ARID4B: variants seen among roughly 807,000 people sequenced by gnomAD.
The protein encoded by ARID4B is AT-rich interaction domain 4B, also known as AT-rich interactive domain-containing protein 4B.
A neutral mutation model predicts 147.5 loss-of-function variants in ARID4B; 26 were observed. The ratio of observed to expected loss-of-function variants is 0.18; its 90% CI spans 0.13 to 0.24. The LOEUF is 0.24. Among genes scored for constraint, ARID4B ranks in the 10% least tolerant of loss-of-function variants. The pLI is 1.00. For missense variants in ARID4B, 1,179 were observed against 1,511.5 expected (o/e 0.78, Z 3.65); for synonymous variants, 512 against 507.9 (o/e 1.01, Z -0.11).
At chr1:235,249,968 G>A (rs951794074) in intron 6 of ARID4B, among the ~76,000 whole-genome samples, 36 of 150,244 alleles carry the variant, frequency 2.4e-4, no homozygotes, top group Admixed American at 1.7e-3. Context: ...TTAGCCAGGC[G>A]TGGGGGCAGG....
intron 2 of ARID4B, among the ~76,000 whole-genome samples, chr1:235,306,452 G>A (rs953929550): frequency 6.7e-6 from 1 of 149,644 alleles, no homozygotes; most frequent in Admixed American, 6.7e-5. Context: ...GCAGTGAGCC[G>A]AGATCATACC....
chr1:235,238,010 C>T (rs1202889977), intron 8 of ARID4B, among the ~76,000 whole-genome samples: 1 of 151,716 alleles, frequency 6.6e-6, no homozygotes, highest in East Asian at 1.9e-4. Context: ...ATTAGCCGGG[C>T]ATGGTGGCTT....
chr1:235,301,889 G>A (rs11579128), intron 2 of ARID4B, among the ~76,000 whole-genome samples: 70,352 of 151,130 alleles, frequency 0.47, 16,698 homozygotes, highest in South Asian at 0.6. Context: ...TAATTTTTGT[G>A]TTTTTAGTAG....
chr1:235,242,261 A>C (rs1320857908), intron 7 of ARID4B, among the ~76,000 whole-genome samples: 5 of 152,200 alleles, frequency 3.3e-5, no homozygotes, highest in Middle Eastern at 3.4e-3. Context: ...AAAAAAAAAA[A>C]AGATGTATTG....
chr1:235,235,301 C>T (rs935112503), intron 8 of ARID4B, among the ~76,000 whole-genome samples: 1 of 152,246 alleles, frequency 6.6e-6, no homozygotes. Flanking sequence ...CAAATGAAGA[C>T]AGTGAACAGA....
At chr1:235,177,631 T>C (rs1432313969) in intron 21 of ARID4B, 169 bp downstream of exon 21, 1 of 503,484 alleles carries the variant, frequency 2.0e-6, no homozygotes, top group Non-Finnish European at 3.5e-6. Context: ...TTTTTGTCTA[T>C]TTTGTTTTTT....
At chr1:235,184,060 T>C (rs922154684) in intron 19 of ARID4B, among the ~76,000 whole-genome samples, 3 of 152,170 alleles carry the variant, frequency 2.0e-5, no homozygotes, top group Non-Finnish European at 4.4e-5. Context: ...ATTAAAGGCA[T>C]GAGCCACCAC....
chr1:235,268,374 C>T (rs1368655201), intron 2 of ARID4B, among the ~76,000 whole-genome samples: 1 of 151,132 alleles, frequency 6.6e-6, no homozygotes, highest in African/African-American at 2.4e-5. Flanking sequence ...TATACATACA[C>T]ACACACACAC....
Position 235,219,930 on chromosome 1 carries a change from A to G in ARID4B, c.1446T>C (p.His482=), listed in dbSNP as rs1211789922. 4 of 1,576,512 alleles carry G rather than the reference A, an allele frequency of 2.5e-6. No individual in the cohort carries two copies. The highest frequency in any genetic ancestry group is 3.5e-6 in the Non-Finnish European group (4 of 1,158,172). The change falls in exon 16 of 24, where the codon CAT becomes CAC. Residue 482 remains histidine, a synonymous_variant. Coordinates refer to ENST00000264183, the MANE Select transcript of ARID4B (RefSeq NM_016374.6). ...TGTTAACTTCTTTTTCCTGATCAGA[A>G]TGTGTAGGTATAGATTCTAATAAAT... The part of the protein sequence containing the change: ...KKNLLESIPT[H]SDQEKEVNIK...
At chr1:235,315,942 G>A (rs935495297) in intron 2 of ARID4B, among the ~76,000 whole-genome samples, 1 of 152,104 alleles carries the variant, frequency 6.6e-6, no homozygotes, top group African/African-American at 2.4e-5. Context: ...CCACTAGAGA[G>A]GCTGAGGCAG....
intron 6 of ARID4B, among the ~76,000 whole-genome samples, chr1:235,251,930 C>G (rs1430973866): frequency 6.6e-6 from 1 of 152,146 alleles, no homozygotes; most frequent in Non-Finnish European, 1.5e-5. Context: ...GGCTTTGGTG[C>G]TAGAAAGTGC....
At chr1:235,310,715 T>C (rs1673987656) in intron 2 of ARID4B, among the ~76,000 whole-genome samples, 1 of 152,176 alleles carries the variant, frequency 6.6e-6, no homozygotes, top group Non-Finnish European at 1.5e-5. Context: ...TCACCTAGGC[T>C]GGAGTACAGT....
At chr1:235,203,088 G>A (rs1278536944) in intron 17 of ARID4B, among the ~76,000 whole-genome samples, 2 of 152,180 alleles carry the variant, frequency 1.3e-5, no homozygotes, top group African/African-American at 4.8e-5. Flanking sequence ...TCTGAAAGAA[G>A]CCACCACACA....
chr1:235,172,549 G>A (rs1663442682), intron 23 of ARID4B, 69 bp downstream of exon 23: 4 of 1,178,388 alleles, frequency 3.4e-6, no homozygotes, highest in Admixed American at 6.5e-5. Flanking sequence ...TTGCACTCCA[G>A]CCTGGCGACA....
At chr1:235,182,946 CAAAGA>C (rs1664420178) in intron 19 of ARID4B, among the ~76,000 whole-genome samples, 153 bp from the exon 20 acceptor site, 1 of 152,032 alleles carries the variant, frequency 6.6e-6, no homozygotes, top group South Asian at 2.1e-4. Context: ...AACTGGGTTT[CAAAGA>C]GGCTAAGAGG....
At chr1:235,295,919 A>G (rs1174072912) in intron 2 of ARID4B, 1 of 153,364 alleles carries the variant, frequency 6.5e-6, no homozygotes, top group Non-Finnish European at 1.5e-5. Flanking sequence ...AAGCCAAACC[A>G]AAGGCTCTAA....
Position 235,326,769 on chromosome 1 carries a change from T to C in ARID4B, c.6+145A>G, listed in dbSNP as rs1675301651. ...AGCAAAGCCCGCCAGCTGACCCCGG[T>C]CTCTCTGGGGAAGGGCTCGGTCACC... On this transcript the variant is annotated intron_variant, in intron 2 of 23. Transcript: ENST00000264183. 3.1e-6 allele frequency: 3 copies of C among 983,264 alleles called. No individual in the cohort carries two copies. In the East Asian group the frequency reaches 7.3e-5, roughly 24 times the overall value. 60.9% of individuals were successfully genotyped at this position (983,264 alleles called of 1,614,324 possible). A position where few individuals can be genotyped will look rare whatever the true frequency, so the allele number is the denominator to read the frequency against.
intron 12 of ARID4B, 30 bp downstream of exon 12, chr1:235,224,673 C>A (rs1384812247): frequency 1.4e-6 from 2 of 1,440,632 alleles, no homozygotes; most frequent in African/African-American, 2.8e-5. Context: ...CCAAAACTTA[C>A]CACGTTAATG....
At chr1:235,319,383 G>A (rs1674661606) in intron 2 of ARID4B, among the ~76,000 whole-genome samples, 1 of 152,136 alleles carries the variant, frequency 6.6e-6, no homozygotes, top group Non-Finnish European at 1.5e-5. Flanking sequence ...ATGGTGCCGT[G>A]CACCTCTGGT....
Sources: allele counts gnomAD v4.1 joint callset (sites outside exome capture counted in the v4.1 genomes callset), GRCh38; gene constraint gnomAD v4.1.1; transcripts MANE v1.5; gene names NCBI Gene and HGNC (gene_info 2026-07-23, HGNC 2026-07-21).